PCDH15: variants seen among roughly 807,000 people sequenced by gnomAD.
The protein encoded by PCDH15 is protocadherin related 15, also known as protocadherin-15.
In PCDH15, 129 loss-of-function variants were observed where a neutral mutation model predicts 178.5. That is an observed-to-expected ratio of 0.72 (90% CI 0.63 to 0.84). The LOEUF (loss-of-function observed/expected upper bound fraction) is 0.84, where lower values mean the gene tolerates loss of function less well. Ranked by LOEUF, PCDH15 falls within the 40% of genes least tolerant of loss-of-function variation. PCDH15 has a pLI of 0.00. For missense variants in PCDH15, 2,230 were observed against 2,099.9 expected, an observed-to-expected ratio of 1.06 and a Z score of -1.21; for synonymous variants, 800 against 732.0, an observed-to-expected ratio of 1.09 and a Z score of -1.50.
intron 2 of PCDH15, among the ~76,000 whole-genome samples, chr10:54,924,069 G>A (rs1837557126): frequency 7.2e-6 from 1 of 138,226 alleles, no homozygotes; most frequent in South Asian, 2.3e-4. Context: ...CTGTTCAGGT[G>A]ACATGGCTGT....
intron 18 of PCDH15, among the ~76,000 whole-genome samples, chr10:54,033,074 C>G (rs1184825099): frequency 6.6e-6 from 1 of 151,756 alleles, no homozygotes; most frequent in Non-Finnish European, 1.5e-5. Context: ...GATTACAAAT[C>G]GAGATGAGAT....
chr10:55,158,006 G>A (rs1838941363), intron 2 of PCDH15, among the ~76,000 whole-genome samples: 2 of 151,142 alleles, frequency 1.3e-5, no homozygotes, highest in Admixed American at 1.3e-4. Context: ...CAAACTATTG[G>A]TAAATTTATT....
chr10:53,821,266 T>C (rs1038629116), intron 32 of PCDH15: 1 of 985,102 alleles, frequency 1.0e-6, no homozygotes, highest in Non-Finnish European at 1.2e-6. Flanking sequence ...GAGTAAAAGA[T>C]GTTCTTATCA....
At chr10:54,900,068 T>C (rs1954615678) in intron 2 of PCDH15, among the ~76,000 whole-genome samples, 2 of 152,214 alleles carry the variant, frequency 1.3e-5, no homozygotes, top group African/African-American at 4.8e-5. Context: ...ATTGACTGTG[T>C]TGTTGTCACT....
At chr10:54,289,361 AG>A (rs1480275899) in intron 8 of PCDH15, among the ~76,000 whole-genome samples, 3 of 152,244 alleles carry the variant, frequency 2.0e-5, no homozygotes, top group African/African-American at 7.2e-5. Context: ...ATCAACAAAA[AG>A]GACATTTATA....
At chr10:54,964,064 A>C (rs1346409577) in intron 2 of PCDH15, among the ~76,000 whole-genome samples, 1 of 152,222 alleles carries the variant, frequency 6.6e-6, no homozygotes, top group African/African-American at 2.4e-5. Flanking sequence ...TTAGGCCATC[A>C]AGACTAGTGA....
At chr10:55,590,017 T>C (rs1233284651) in intron 2 of PCDH15, among the ~76,000 whole-genome samples, 3 of 146,904 alleles carry the variant, frequency 2.0e-5, no homozygotes, top group Admixed American at 1.4e-4. Context: ...TGCACACGTA[T>C]GTTTATTGTG....
intron 1 of PCDH15, among the ~76,000 whole-genome samples, chr10:55,244,342 G>T (rs1841632882): frequency 6.6e-6 from 1 of 151,812 alleles, no homozygotes; most frequent in Admixed American, 6.6e-5. Flanking sequence ...AAATAAGCTA[G>T]AATACTAACA....
rs12257046 is a variant in PCDH15, at chr10:54,465,608, T to C, written c.157+62204A>G. On this transcript the variant is annotated intron_variant, in intron 3 of 37. Transcript: ENST00000644397. ...TATGGCTGAATAGTTTTTCATTGTG[T>C]GCCAATACCATATCTTCTTTACCCA... 5.7e-3 allele frequency among the ~76,000 whole-genome samples: 865 copies of C among 152,176 alleles called. 14 individuals carry two copies. The highest frequency in any genetic ancestry group is 0.02 in the African/African-American group (841 of 41,572).
intron 2 of PCDH15, among the ~76,000 whole-genome samples, chr10:55,354,710 A>G (rs915454522): frequency 2.0e-5 from 3 of 152,092 alleles, no homozygotes; most frequent in African/African-American, 7.2e-5. Context: ...CTTCAGAACT[A>G]GAGAGCTTTT....
At chr10:55,336,566 T>C in intron 2 of PCDH15, among the ~76,000 whole-genome samples, 1 of 152,074 alleles carries the variant, frequency 6.6e-6, no homozygotes, top group East Asian at 1.9e-4. Flanking sequence ...CATAAAACCT[T>C]TATTCCAGAG....
At chr10:55,354,510 T>C (rs1320593533) in intron 2 of PCDH15, among the ~76,000 whole-genome samples, 2 of 152,102 alleles carry the variant, frequency 1.3e-5, no homozygotes, top group African/African-American at 4.8e-5. Flanking sequence ...CTAATATTCA[T>C]CTTCTACAAC....
At chr10:55,045,393 T>A (rs1236041327) in intron 2 of PCDH15, among the ~76,000 whole-genome samples, 1 of 152,058 alleles carries the variant, frequency 6.6e-6, no homozygotes, top group African/African-American at 2.4e-5. Flanking sequence ...TAATCTATAA[T>A]TGAAAATCAA....
chr10:54,570,679 A>G (rs1157622047), intron 2 of PCDH15, among the ~76,000 whole-genome samples: 1 of 151,510 alleles, frequency 6.6e-6, no homozygotes, highest in Non-Finnish European at 1.5e-5. Flanking sequence ...TTTGAGATGG[A>G]GTCTCTCTCT....
chr10:55,224,297 G>A (rs1300147886), intron 1 of PCDH15, among the ~76,000 whole-genome samples: 5 of 152,080 alleles, frequency 3.3e-5, no homozygotes, highest in Admixed American at 3.3e-4. Flanking sequence ...CCTTTGCAAT[G>A]TGACTTCACA....
intron 11 of PCDH15, among the ~76,000 whole-genome samples, chr10:54,188,395 T>G (rs1472105910): frequency 6.6e-6 from 1 of 151,832 alleles, no homozygotes; most frequent in East Asian, 1.9e-4. Context: ...GTAGCAGACT[T>G]TAGGTAGCTG....
At chr10:54,875,871 G>A (rs997469327) in intron 3 of PCDH15, among the ~76,000 whole-genome samples, 5 of 152,220 alleles carry the variant, frequency 3.3e-5, no homozygotes, top group African/African-American at 1.2e-4. Context: ...AGCTGCAGCA[G>A]GTTATCCAGA....
chr10:53,975,413 G>GT (rs575068423), intron 21 of PCDH15, among the ~76,000 whole-genome samples: 21 of 151,844 alleles, frequency 1.4e-4, no homozygotes, highest in Admixed American at 5.2e-4. Context: ...ATGAATAAGT[G>GT]TTTTTTTTCC....
At chr10:55,224,044 G>A (rs773173254) in intron 1 of PCDH15, among the ~76,000 whole-genome samples, 9 of 151,928 alleles carry the variant, frequency 5.9e-5, no homozygotes, top group Non-Finnish European at 1.3e-4. Flanking sequence ...TTGAGTTCAG[G>A]AGTTTGAGAC....
Sources: gnomAD v4.1 joint callset for allele counts (sites outside exome capture counted in the v4.1 genomes callset) on GRCh38, gnomAD v4.1.1 for gene constraint, MANE v1.5 for transcripts, NCBI Gene and HGNC (gene_info 2026-07-23, HGNC 2026-07-21) for gene names.